The following PPP1R12B variants were observed in gnomAD, a reference collection of about 807,000 sequenced individuals.
PPP1R12B encodes the protein myosin phosphatase target subunit 2.
Under a neutral mutation model 126.1 loss-of-function variants are expected in PPP1R12B, and 76 were observed. That is an observed-to-expected ratio of 0.60 (90% CI 0.50 to 0.73). The LOEUF (loss-of-function observed/expected upper bound fraction) is 0.73, where lower values mean the gene tolerates loss of function less well. PPP1R12B is among the 30% of genes least tolerant of loss of function. The pLI is 0.00. For missense variants in PPP1R12B, 1,052 were observed against 1,205.1 expected (o/e 0.87, Z 1.88); for synonymous variants, 356 against 434.7 (o/e 0.82, Z 2.25).
At chr1:202,579,482 G>T (rs765917346) in intron 23 of PPP1R12B, among the ~76,000 whole-genome samples, 1 of 152,216 alleles carries the variant, frequency 6.6e-6, no homozygotes, top group South Asian at 2.1e-4. Context: ...CTTGCTGCCA[G>T]TGGGACCCAC....
intron 6 of PPP1R12B, among the ~76,000 whole-genome samples, chr1:202,429,150 T>C (rs1014059451): frequency 1.3e-5 from 2 of 152,224 alleles, no homozygotes; most frequent in Non-Finnish European, 2.9e-5. Flanking sequence ...TAAGATAGCC[T>C]TCAAGAAGCT....
chr1:202,502,963 G>A (rs776501764), intron 18 of PPP1R12B: 1 of 152,310 alleles, frequency 6.6e-6, no homozygotes, highest in Middle Eastern at 3.4e-3. Flanking sequence ...CGACTGATAA[G>A]TTATTATAAG....
At chr1:202,398,582 A>C (rs1399243819) in intron 1 of PPP1R12B, among the ~76,000 whole-genome samples, 1 of 152,236 alleles carries the variant, frequency 6.6e-6, no homozygotes. Flanking sequence ...TGTGCCAGGC[A>C]TGCTGGTTAG....
rs1689526170 is a variant in PPP1R12B, at chr1:202,581,104, A to G, written c.*544A>G. 6.5e-6 allele frequency: 1 copy of G among 153,580 alleles called. No individual in the cohort carries two copies. 9.5% of individuals were successfully genotyped at this position (153,580 alleles called of 1,614,324 possible). ...GACAGTGACTGCATTGAGGCGCTCT[A>G]TTCTTCTTCACCTCTCAGGAACTGA... On this transcript the variant is annotated 3_prime_UTR_variant, in exon 24 of 24. Transcript: ENST00000608999.
At chr1:202,477,837 C>G (rs568318271) in intron 13 of PPP1R12B, among the ~76,000 whole-genome samples, 1 of 152,232 alleles carries the variant, frequency 6.6e-6, no homozygotes, top group Admixed American at 6.5e-5. Flanking sequence ...CAATATCATA[C>G]CAAATACAAA....
At chr1:202,399,730 T>G (rs1665539182) in intron 1 of PPP1R12B, among the ~76,000 whole-genome samples, 2 of 152,140 alleles carry the variant, frequency 1.3e-5, no homozygotes, top group South Asian at 4.2e-4. Flanking sequence ...TCTCCTGACC[T>G]CGTGATTTGC....
chr1:202,386,736 TTTG>T lies in PPP1R12B; in HGVS notation c.292-30045_292-30043del, dbSNP rs947554444. Among the ~76,000 whole-genome samples the T allele has an allele frequency of 2.2e-3, 333 of 152,270 alleles. 1 individual carries two copies. Among genetic ancestry groups the T allele is most frequent in the African/African-American group, 7.3e-3 (305 of 41,562 alleles). The stretch of plus-strand genomic sequence containing the variant: ...TTGTATTTAACACTTTGACAGAGGT[TTTG>T]TTGTTTTTTTTTTCTCCCGTGGGTA... On this transcript the variant is annotated intron_variant, in intron 1 of 23. Transcript: ENST00000608999.
intron 13 of PPP1R12B, among the ~76,000 whole-genome samples, chr1:202,471,412 C>G (rs1675864920): frequency 6.6e-6 from 1 of 151,624 alleles, no homozygotes; most frequent in East Asian, 1.9e-4. Context: ...GTTTCTTACA[C>G]AAACGTGCAA....
chr1:202,563,227 C>T (rs1687706873), intron 20 of PPP1R12B, among the ~76,000 whole-genome samples: 1 of 152,158 alleles, frequency 6.6e-6, no homozygotes, highest in Non-Finnish European at 1.5e-5. Context: ...TAGGGTCCTC[C>T]TGCCACAGCC....
Position 202,488,614 on chromosome 1 carries a change from G to A in PPP1R12B, c.1932G>A (p.Arg644=). ...ARSRQARQTR[R]STQGVTLTDL... ...CCAGACAAGCTCGGCAGACACGAAG[G>A]TCTACTCAAGTGAGTGTGGCTTTTT... Residue 644 remains arginine (R), a synonymous_variant, in exon 14 of 24, where the codon AGG becomes AGA. Transcript: ENST00000608999. The A allele has an allele frequency of 6.2e-7, 1 of 1,608,272 alleles. No homozygotes were observed.
intron 1 of PPP1R12B, among the ~76,000 whole-genome samples, chr1:202,406,264 G>A (rs1465051716): frequency 6.6e-6 from 1 of 152,214 alleles, no homozygotes; most frequent in Non-Finnish European, 1.5e-5. Context: ...AAGACAGGTA[G>A]CCAAGAGAGG....
In PPP1R12B at chr1:202,561,541, A is replaced by T. The variant is rs959796838; in HGVS notation, c.2508-1237A>T. Among the ~76,000 whole-genome samples the T allele has an allele frequency of 4.6e-5, 7 of 152,362 alleles. No homozygotes were observed. In the Middle Eastern group the frequency reaches 0.01, roughly 222 times the overall value. ...ATGTATTTTAACATATATGCTTGAC[A>T]TTCTGCAAGGATATGAACTAAACAG... On this transcript the variant is annotated intron_variant, in intron 19 of 23. Coordinates refer to ENST00000608999, the MANE Select transcript of PPP1R12B (RefSeq NM_002481.4).
At chr1:202,377,943 A>G (rs1288203360) in intron 1 of PPP1R12B, among the ~76,000 whole-genome samples, 1 of 135,916 alleles carries the variant, frequency 7.4e-6, no homozygotes, top group Non-Finnish European at 1.5e-5. Context: ...GGTTCACGCC[A>G]TTCTCCTGCC....
At position 202,562,845 on chromosome 1, in the gene PPP1R12B, C is replaced by T. The variant is rs769365526; in HGVS notation, c.2575C>T (p.Arg859Cys). Residue 859 changes from arginine (R) to cysteine (C), a missense_variant, in exon 20 of 24, where the codon CGT (arginine) becomes TGT (cysteine). Transcript: ENST00000608999. ...SYGDRASARA[R>C]REAREARLAT... is the part of the protein sequence containing the mutation. ...CGGTGACCGGGCTTCAGCAAGAGCC[C>T]GTCGGGAGGCCCGGGAGGCCCGCCT... 2.6e-4 allele frequency: 420 copies of T among 1,613,338 alleles called. No individual in the cohort carries two copies. Among genetic ancestry groups the T allele is most frequent in the Non-Finnish European group, 3.5e-4 (411 of 1,179,730 alleles).
intron 1 of PPP1R12B, among the ~76,000 whole-genome samples, chr1:202,415,168 T>TA (rs1343004752): frequency 3.3e-5 from 5 of 152,062 alleles, no homozygotes; most frequent in Middle Eastern, 3.4e-3. Flanking sequence ...CACAGAATAT[T>TA]AAAAAAAACA....
intron 13 of PPP1R12B, among the ~76,000 whole-genome samples, chr1:202,461,793 C>A (rs1199110861): frequency 6.6e-6 from 1 of 152,054 alleles, no homozygotes; most frequent in Non-Finnish European, 1.5e-5. Context: ...TACACAGGTA[C>A]CTTCTTATGC....
rs141733489 is a variant in PPP1R12B, at chr1:202,435,918, G to A, written c.1254+1150G>A. 2.4e-3 allele frequency among the ~76,000 whole-genome samples: 372 copies of A among 152,230 alleles called. 3 individuals carry two copies. The highest frequency in any genetic ancestry group is 8.7e-3 in the African/African-American group (360 of 41,540). ...GTCATTTAGGTGTACCTCATATACT[G>A]CCACTGCTTCTAAGGATGCCTAGAC... is the stretch of plus-strand genomic sequence containing the variant. On this transcript the variant is annotated intron_variant, in intron 9 of 23. Coordinates refer to ENST00000608999, the MANE Select transcript of PPP1R12B (RefSeq NM_002481.4).
chr1:202,388,253 G>A (rs1663494185), intron 1 of PPP1R12B, among the ~76,000 whole-genome samples: 2 of 152,098 alleles, frequency 1.3e-5, no homozygotes, highest in Non-Finnish European at 2.9e-5. Context: ...GCACAATCTT[G>A]GCTCACTGCA....
intron 13 of PPP1R12B, among the ~76,000 whole-genome samples, chr1:202,462,106 C>T (rs1048287798): frequency 5.9e-5 from 9 of 152,052 alleles, no homozygotes; most frequent in South Asian, 2.1e-4. Context: ...GTTATAGTGA[C>T]GATTGCATAA....
Sources: gnomAD v4.1 joint callset for allele counts (sites outside exome capture counted in the v4.1 genomes callset) on GRCh38, gnomAD v4.1.1 for gene constraint, MANE v1.5 for transcripts, NCBI Gene and HGNC (gene_info 2026-07-23, HGNC 2026-07-21) for gene names.